The following ADGRL3 variants were observed in gnomAD, a reference collection of about 807,000 sequenced individuals.
The protein encoded by ADGRL3 is calcium-independent alpha-latrotoxin receptor 3.
ADGRL3 carries 62 observed loss-of-function variants against 153.5 expected under a neutral mutation model. That is an observed-to-expected ratio of 0.40 (90% confidence interval 0.33 to 0.50). ADGRL3 has a LOEUF of 0.50. ADGRL3 is among the 20% of genes least tolerant of loss of function. ADGRL3 has a pLI of 0.47. For synonymous variants in ADGRL3, 710 were observed against 672.5 expected (o/e 1.06, Z -0.86); for missense variants, 1,641 against 1,859.4 (o/e 0.88, Z 2.16).
chr4:61,350,497 T>C (rs1013521395), intron 1 of ADGRL3, among the ~76,000 whole-genome samples: 13 of 152,144 alleles, frequency 8.5e-5, no homozygotes, highest in Non-Finnish European at 1.6e-4. Flanking sequence ...TTTATTCCAC[T>C]TCACAGATAC....
At chr4:61,781,250 G>T (rs1329370103) in intron 8 of ADGRL3, among the ~76,000 whole-genome samples, 3 of 150,980 alleles carry the variant, frequency 2.0e-5, no homozygotes, top group Non-Finnish European at 4.4e-5. Flanking sequence ...CACTTGAACC[G>T]GGGAAGCAGA....
At chr4:61,220,352 A>G (rs1744916601) in intron 1 of ADGRL3, among the ~76,000 whole-genome samples, 3 of 152,176 alleles carry the variant, frequency 2.0e-5, no homozygotes, top group Non-Finnish European at 2.9e-5. Flanking sequence ...GTGATTTAGA[A>G]CATGAGCTTT....
intron 5 of ADGRL3, among the ~76,000 whole-genome samples, chr4:61,651,576 A>AC (rs2094250713): frequency 4.0e-5 from 6 of 151,376 alleles, no homozygotes; most frequent in Non-Finnish European, 8.9e-5. Flanking sequence ...AAAATAAATA[A>AC]ATTTTTTTTG....
At chr4:61,892,345 G>A (rs1014944172) in intron 9 of ADGRL3, among the ~76,000 whole-genome samples, 1 of 152,264 alleles carries the variant, frequency 6.6e-6, no homozygotes, top group African/African-American at 2.4e-5. Context: ...CAAAAAGGCT[G>A]AGAGCATTAG....
At chr4:62,060,494 C>T (rs1418065508) in intron 25 of ADGRL3, among the ~76,000 whole-genome samples, 2 of 151,772 alleles carry the variant, frequency 1.3e-5, no homozygotes, top group Admixed American at 6.6e-5. Flanking sequence ...TTAACTTATA[C>T]CTTTCATTTT....
intron 9 of ADGRL3, among the ~76,000 whole-genome samples, chr4:61,856,541 C>T (rs1001124968): frequency 2.8e-5 from 4 of 144,872 alleles, no homozygotes; most frequent in Non-Finnish European, 6.0e-5. Context: ...CTTTTCCTCC[C>T]TCCCTCTCTC....
chr4:61,252,669 G>A (rs75675078), intron 1 of ADGRL3, among the ~76,000 whole-genome samples: 3,167 of 144,944 alleles, frequency 0.022, 102 homozygotes, highest in African/African-American at 0.073. Flanking sequence ...TTCTGATTTC[G>A]TTTGTCTCAA....
intron 1 of ADGRL3, among the ~76,000 whole-genome samples, chr4:61,352,662 G>A (rs982452347): frequency 2.0e-5 from 3 of 152,114 alleles, no homozygotes; most frequent in African/African-American, 7.2e-5. Flanking sequence ...TGGGATTACA[G>A]GTGTGAGCCA....
chr4:61,646,704 T>G (rs1449395558), intron 5 of ADGRL3, among the ~76,000 whole-genome samples: 5 of 152,126 alleles, frequency 3.3e-5, no homozygotes, highest in Non-Finnish European at 2.9e-5. Flanking sequence ...GACACTTAAG[T>G]CTGCAGAGGT....
intron 17 of ADGRL3, among the ~76,000 whole-genome samples, chr4:61,966,933 C>T (rs1397785310): frequency 1.3e-5 from 2 of 152,026 alleles, no homozygotes. Flanking sequence ...TGGACCTTCC[C>T]ACTGTTAATG....
intron 21 of ADGRL3, among the ~76,000 whole-genome samples, chr4:62,025,078 T>C (rs1717686192): frequency 1.3e-5 from 2 of 152,186 alleles, no homozygotes; most frequent in African/African-American, 4.8e-5. Flanking sequence ...GCTGTCAAGA[T>C]TTCTATCATA....
chr4:61,936,665 A>C (rs1418639992), intron 15 of ADGRL3, among the ~76,000 whole-genome samples: 1 of 151,928 alleles, frequency 6.6e-6, no homozygotes, highest in African/African-American at 2.4e-5. Context: ...ATGTATCTGT[A>C]TGTGTGTATA....
intron 4 of ADGRL3, among the ~76,000 whole-genome samples, chr4:61,564,565 G>A (rs893638010): frequency 1.1e-4 from 16 of 152,294 alleles, no homozygotes; most frequent in Admixed American, 3.3e-4. Flanking sequence ...GAGCCAGAGC[G>A]TTTGGCCCAT....
intron 5 of ADGRL3, among the ~76,000 whole-genome samples, chr4:61,649,110 C>T (rs2094152976): frequency 6.6e-6 from 1 of 151,878 alleles, no homozygotes; most frequent in Admixed American, 6.6e-5. Context: ...ATCTACTGAT[C>T]TGTAACTAGA....
At chr4:62,028,829 T>C in intron 21 of ADGRL3, 26 bp from the exon 22 acceptor site, 1 of 1,592,064 alleles carries the variant, frequency 6.3e-7, no homozygotes, top group Non-Finnish European at 8.6e-7. Context: ...TTGGTGTTCT[T>C]GTCTTTATGT....
Position 61,383,200 on chromosome 4 carries a change from G to T in ADGRL3, c.-174+11G>T, listed in dbSNP as rs983650161. 7 of 151,184 alleles carry T rather than the reference G, an allele frequency of 4.6e-5. No individual in the cohort carries two copies. Among genetic ancestry groups the T allele is most frequent in the Non-Finnish European group, 1.0e-4 (7 of 67,636 alleles). The allele number at this position is 151,184 out of a possible 1,614,324, so 9.4% of individuals were successfully genotyped here. A position where few individuals can be genotyped will look rare whatever the true frequency, so the allele number is the denominator to read the frequency against. On this transcript the variant is annotated intron_variant, in intron 2 of 26. Coordinates refer to ENST00000683033, the MANE Select transcript of ADGRL3 (RefSeq NM_001387552.1). The stretch of plus-strand genomic sequence containing the variant: ...GAAGAGCAAATTAAGGTAATTAGTA[G>T]ATTATTATTGCCAACCATATAATTT...
chr4:61,870,917 G>A (rs924192761), intron 9 of ADGRL3, among the ~76,000 whole-genome samples: 3 of 152,148 alleles, frequency 2.0e-5, no homozygotes, highest in Non-Finnish European at 2.9e-5. Flanking sequence ...AGCATTACCA[G>A]ATGACCCAGC....
At chr4:61,557,577 A>C (rs1378447725) in intron 4 of ADGRL3, among the ~76,000 whole-genome samples, 1 of 152,188 alleles carries the variant, frequency 6.6e-6, no homozygotes, top group Non-Finnish European at 1.5e-5. Context: ...GCTGCCTTAC[A>C]GTGGCATTTA....
intron 6 of ADGRL3, among the ~76,000 whole-genome samples, chr4:61,680,784 C>T (rs1399106357): frequency 6.6e-6 from 1 of 151,992 alleles, no homozygotes; most frequent in Non-Finnish European, 1.5e-5. Context: ...AGACCACCTT[C>T]TTTGAGTGTT....
Sources: allele counts gnomAD v4.1 joint callset (sites outside exome capture counted in the v4.1 genomes callset), GRCh38; gene constraint gnomAD v4.1.1; transcripts MANE v1.5; gene names NCBI Gene and HGNC (gene_info 2026-07-23, HGNC 2026-07-21).